The following KSR2 variants were observed in gnomAD, a reference collection of about 807,000 sequenced individuals.
KSR2 encodes the protein kinase suppressor of ras 2.
Under a neutral mutation model 107.8 loss-of-function variants are expected in KSR2, and 25 were observed. The ratio of observed to expected loss-of-function variants is 0.23; its 90% CI spans 0.17 to 0.32. KSR2 has a LOEUF of 0.32. KSR2 is among the 10% of genes least tolerant of loss of function. KSR2 has a pLI of 1.00. For synonymous variants in KSR2, 480 were observed against 507.0 expected (o/e 0.95, Z 0.71); for missense variants, 887 against 1,268.9 (o/e 0.70, Z 4.57).
chr12:117,721,948 G>A (rs1159812291), intron 4 of KSR2, among the ~76,000 whole-genome samples: 1 of 152,154 alleles, frequency 6.6e-6, no homozygotes, highest in Non-Finnish European at 1.5e-5. Context: ...TATCTGTGCT[G>A]TCCAATATGG....
At chr12:117,606,052 A>C (rs1271330921) in intron 5 of KSR2, among the ~76,000 whole-genome samples, 1 of 152,160 alleles carries the variant, frequency 6.6e-6, no homozygotes, top group Non-Finnish European at 1.5e-5. Flanking sequence ...GTTACATCCC[A>C]GGGTGGTGAC....
At chr12:117,839,683 C>T (rs2137153622) in intron 3 of KSR2, among the ~76,000 whole-genome samples, 1 of 152,294 alleles carries the variant, frequency 6.6e-6, no homozygotes, top group Non-Finnish European at 1.5e-5. Flanking sequence ...CAGGTGCAAT[C>T]AAGGAAATCC....
Position 117,465,480 on chromosome 12 carries a change from G to C in KSR2, c.*1719C>G, listed in dbSNP as rs564299486. 2 of 152,176 alleles carry C rather than the reference G, an allele frequency of 1.3e-5. No individual in the cohort carries two copies. Among genetic ancestry groups the C allele is most frequent in the South Asian group, 2.1e-4 (1 of 4,832 alleles). 9.4% of individuals were successfully genotyped at this position (152,176 alleles called of 1,614,324 possible). Reference sequence around the variant, plus strand: ...GGGGTTTCCTGTAGCCAGGCTCCTGGGAAGCATGACTGATCTCACCATTCT... The same window carrying C: ...GGGGTTTCCTGTAGCCAGGCTCCTGCGAAGCATGACTGATCTCACCATTCT... On this transcript the variant is annotated 3_prime_UTR_variant, in exon 20 of 20. Coordinates refer to ENST00000339824, the MANE Select transcript of KSR2 (RefSeq NM_173598.6).
intron 7 of KSR2, among the ~76,000 whole-genome samples, chr12:117,561,699 C>G (rs999470699): frequency 6.6e-6 from 1 of 152,214 alleles, no homozygotes; most frequent in Non-Finnish European, 1.5e-5. Flanking sequence ...TAACACCTAA[C>G]TCTTCCCAAT....
intron 7 of KSR2, among the ~76,000 whole-genome samples, chr12:117,562,851 C>T (rs150317923): frequency 5.5e-4 from 84 of 152,316 alleles, no homozygotes; most frequent in African/African-American, 2.0e-3. Flanking sequence ...CAGCCTTGCT[C>T]ATGCAGAAAA....
Position 117,848,915 on chromosome 12 carries a change from T to C in KSR2, c.472+6513A>G, listed in dbSNP as rs1171436875. ...TGGTGGTGGTGGTGATTTGCCTGTA[T>C]CATCTCATGTAATGCTCCCAGCAAC... On this transcript the variant is annotated intron_variant, in intron 3 of 19. Coordinates refer to ENST00000339824, the MANE Select transcript of KSR2 (RefSeq NM_173598.6). Among the ~76,000 whole-genome samples, 7 of 145,344 alleles carry C rather than the reference T, an allele frequency of 4.8e-5. No homozygotes were observed. The East Asian group carries it at 1.4e-3, about 28-fold the overall frequency.
intron 14 of KSR2, among the ~76,000 whole-genome samples, chr12:117,495,880 C>T (rs1439662848): frequency 6.6e-6 from 1 of 152,050 alleles, no homozygotes; most frequent in African/African-American, 2.4e-5. Flanking sequence ...ATGGTGAAAC[C>T]CTGTCTCTAC....
chr12:117,941,972 A>C (rs2137536913), intron 1 of KSR2, among the ~76,000 whole-genome samples: 1 of 152,094 alleles, frequency 6.6e-6, no homozygotes, highest in South Asian at 2.1e-4. Flanking sequence ...AAGGTTATGA[A>C]GTAGAATGCT....
chr12:117,868,965 T>A (rs1239453149), intron 1 of KSR2, among the ~76,000 whole-genome samples: 1 of 151,950 alleles, frequency 6.6e-6, no homozygotes, highest in Non-Finnish European at 1.5e-5. Flanking sequence ...GTTGACCAGG[T>A]TGGTCTCGAA....
intron 16 of KSR2, among the ~76,000 whole-genome samples, chr12:117,478,841 T>C (rs1445708377): frequency 6.6e-6 from 1 of 152,250 alleles, no homozygotes; most frequent in Admixed American, 6.5e-5. Flanking sequence ...TTCTAGACTA[T>C]TATATATTAA....
At chr12:117,747,817 G>T (rs1888466942) in intron 4 of KSR2, among the ~76,000 whole-genome samples, 1 of 152,100 alleles carries the variant, frequency 6.6e-6, no homozygotes, top group Non-Finnish European at 1.5e-5. Context: ...TCATAGAGAG[G>T]ATGTGGGGAA....
chr12:117,967,997 C>G (rs957334920), intron 1 of KSR2, 79 bp downstream of exon 1: 1 of 1,276,208 alleles, frequency 7.8e-7, no homozygotes, highest in Non-Finnish European at 1.1e-6. Context: ...GAAAGGGGAC[C>G]GTGGGGAGAA....
chr12:117,607,890 T>C (rs1881380784), intron 5 of KSR2, among the ~76,000 whole-genome samples: 1 of 152,148 alleles, frequency 6.6e-6, no homozygotes, highest in African/African-American at 2.4e-5. Context: ...CAGAAGAGGC[T>C]TGGTTGTCCC....
chr12:117,684,296 G>A (rs1384391741), intron 4 of KSR2, among the ~76,000 whole-genome samples: 1 of 152,208 alleles, frequency 6.6e-6, no homozygotes, highest in Admixed American at 6.5e-5. Flanking sequence ...TGGTTTGGGA[G>A]TGCTGGGAAG....
intron 4 of KSR2, among the ~76,000 whole-genome samples, chr12:117,710,151 G>A (rs977534632): frequency 1.3e-5 from 2 of 152,044 alleles, no homozygotes; most frequent in Non-Finnish European, 2.9e-5. Context: ...AAAAAATAGC[G>A]AGCCCCGACA....
intron 5 of KSR2, among the ~76,000 whole-genome samples, chr12:117,639,629 G>GTATTAT (rs5801245): frequency 0.13 from 18,283 of 137,676 alleles, 1,451 homozygotes; most frequent in African/African-American, 0.22. Context: ...CGCACCCAGC[G>GTATTAT]TATTATTATT....
At chr12:117,640,399 T>C (rs1322496956) in intron 5 of KSR2, among the ~76,000 whole-genome samples, 2 of 151,954 alleles carry the variant, frequency 1.3e-5, no homozygotes, top group Non-Finnish European at 2.9e-5. Context: ...TACAGGCATG[T>C]GCCACCACGC....
intron 14 of KSR2, among the ~76,000 whole-genome samples, chr12:117,492,515 G>A (rs377189071): frequency 6.6e-6 from 1 of 152,198 alleles, no homozygotes; most frequent in Non-Finnish European, 1.5e-5. Flanking sequence ...CCACGACCTT[G>A]GGGCACACTG....
At chr12:117,630,942 C>A (rs947514360) in intron 5 of KSR2, among the ~76,000 whole-genome samples, 3 of 152,142 alleles carry the variant, frequency 2.0e-5, no homozygotes, top group Non-Finnish European at 4.4e-5. Flanking sequence ...GATTCACAAT[C>A]CAAGCCAATG....
Sources: allele counts gnomAD v4.1 joint callset (sites outside exome capture counted in the v4.1 genomes callset), GRCh38; gene constraint gnomAD v4.1.1; transcripts MANE v1.5; gene names NCBI Gene and HGNC (gene_info 2026-07-23, HGNC 2026-07-21).